The following PLPP3 variants were observed in gnomAD, a reference collection of about 807,000 sequenced individuals.
PLPP3 encodes PAP2 beta.
Under a neutral mutation model 29.6 loss-of-function variants are expected in PLPP3, and 6 were observed. The observed-to-expected ratio is 0.20, with a 90% CI of 0.11 to 0.40. The LOEUF (loss-of-function observed/expected upper bound fraction) is 0.40. Among genes scored for constraint, PLPP3 ranks in the 10% least tolerant of loss-of-function variants. The pLI is 1.00. For synonymous variants in PLPP3, 152 were observed against 159.7 expected, an observed-to-expected ratio of 0.95 and a Z score of 0.36; for missense variants, 308 against 407.7, an observed-to-expected ratio of 0.76 and a Z score of 2.11.
At chr1:56,570,028 T>C (rs1646187359) in intron 1 of PLPP3, among the ~76,000 whole-genome samples, 1 of 152,222 alleles carries the variant, frequency 6.6e-6, no homozygotes, top group Non-Finnish European at 1.5e-5. Context: ...TGTTTGTCAT[T>C]AGGCAAAAGC....
chr1:56,502,192 G>A (rs1645672330), intron 5 of PLPP3, among the ~76,000 whole-genome samples: 1 of 152,154 alleles, frequency 6.6e-6, no homozygotes, highest in African/African-American at 2.4e-5. Flanking sequence ...TTTTGTTAAG[G>A]GCAGATTATG....
At position 56,579,026 on chromosome 1, in the gene PLPP3, T is replaced by C. The variant is rs1474665071; in HGVS notation, c.-10A>G. ...ACTTGTAGTTTTGCATGGCGCTGGC[T>C]GCGGCGCGAGCCTCCCGCCCCGCGA... On this transcript the variant is annotated 5_prime_UTR_variant, in exon 1 of 6. Coordinates refer to ENST00000371250, the MANE Select transcript of PLPP3 (RefSeq NM_003713.5). 1.3e-6 allele frequency: 2 copies of C among 1,587,298 alleles called. No homozygotes were observed. The highest frequency in any genetic ancestry group is 1.7e-6 in the Non-Finnish European group (2 of 1,169,926).
chr1:56,510,531 G>C (rs1306676484), intron 5 of PLPP3, among the ~76,000 whole-genome samples: 1 of 152,162 alleles, frequency 6.6e-6, no homozygotes, highest in African/African-American at 2.4e-5. Context: ...CCTGCACATG[G>C]AGTCAGGTGC....
chr1:56,529,806 G>A (rs563931822), intron 2 of PLPP3, among the ~76,000 whole-genome samples: 1 of 152,228 alleles, frequency 6.6e-6, no homozygotes, highest in South Asian at 2.1e-4. Context: ...TGAAGACATA[G>A]ATCTGTCCAA....
chr1:56,573,677 TG>T (rs1457446976), intron 1 of PLPP3, among the ~76,000 whole-genome samples: 1 of 152,146 alleles, frequency 6.6e-6, no homozygotes, highest in African/African-American at 2.4e-5. Context: ...GAAATACTGG[TG>T]TAATAGGCAA....
chr1:56,537,355 C>A (rs997018927), intron 1 of PLPP3, among the ~76,000 whole-genome samples: 1 of 152,070 alleles, frequency 6.6e-6, no homozygotes. Context: ...CCCAAGAGCT[C>A]GGAGGTAGGC....
At chr1:56,518,347 C>T (rs1462974186) in intron 4 of PLPP3, among the ~76,000 whole-genome samples, 1 of 152,112 alleles carries the variant, frequency 6.6e-6, no homozygotes, top group African/African-American at 2.4e-5. Context: ...GCTGTCAGAG[C>T]ACAGCCACTT....
chr1:56,516,713 T>G (rs1311781132), intron 4 of PLPP3, among the ~76,000 whole-genome samples: 1 of 151,888 alleles, frequency 6.6e-6, no homozygotes, highest in African/African-American at 2.4e-5. Context: ...ACCTTTTCTC[T>G]GCTACGTACA....
At chr1:56,544,648 G>A (rs1377557122) in intron 1 of PLPP3, among the ~76,000 whole-genome samples, 1 of 152,228 alleles carries the variant, frequency 6.6e-6, no homozygotes, top group Non-Finnish European at 1.5e-5. Flanking sequence ...CTGAGGATAA[G>A]AGGCATAAAC....
intron 5 of PLPP3, 96 bp from the exon 6 acceptor site, chr1:56,496,772 A>G: frequency 7.3e-7 from 1 of 1,377,568 alleles, no homozygotes. Context: ...ACTTCAGGAA[A>G]AGGGGCCCCA....
chr1:56,555,266 C>G (rs537308708), intron 1 of PLPP3, among the ~76,000 whole-genome samples: 1 of 145,590 alleles, frequency 6.9e-6, no homozygotes, highest in South Asian at 2.2e-4. Flanking sequence ...GTGACTTCCC[C>G]GGGGACTTTT....
chr1:56,501,047 C>T (rs918401779), intron 5 of PLPP3, among the ~76,000 whole-genome samples: 2 of 129,108 alleles, frequency 1.5e-5, no homozygotes. Context: ...ATGTTGGTAA[C>T]TAAAATGGAG....
chr1:56,571,809 G>A (rs1444310866), intron 1 of PLPP3, among the ~76,000 whole-genome samples: 2 of 152,144 alleles, frequency 1.3e-5, no homozygotes, highest in Non-Finnish European at 2.9e-5. Flanking sequence ...GGGCAGCAAG[G>A]TAACCTGACA....
At chr1:56,530,958 A>G (rs1010957080) in intron 2 of PLPP3, among the ~76,000 whole-genome samples, 2 of 152,314 alleles carry the variant, frequency 1.3e-5, no homozygotes, top group African/African-American at 2.4e-5. Flanking sequence ...GCCTTAAAGT[A>G]GAGCTCAAGT....
chr1:56,542,640 G>A (rs1435522264), intron 1 of PLPP3, among the ~76,000 whole-genome samples: 2 of 152,076 alleles, frequency 1.3e-5, no homozygotes, highest in East Asian at 3.9e-4. Flanking sequence ...TCTGCAGAAA[G>A]CCTACACATC....
Position 56,537,108 on chromosome 1 carries a change from G to A in PLPP3, c.144C>T (p.Gly48=), listed in dbSNP as rs758742108. The A allele has an allele frequency of 5.0e-6, 8 of 1,613,346 alleles. No individual in the cohort carries two copies. In the African/African-American group the frequency reaches 5.3e-5, roughly 11 times the overall value. The change falls in exon 2 of 6, where the codon GGC becomes GGT. Residue 48 remains glycine, a synonymous_variant. Coordinates refer to ENST00000371250, the MANE Select transcript of PLPP3 (RefSeq NM_003713.5). ...CLDLFCLFMA[G]LPFLIIETST... ...TTGTCTCGATGATGAGGAAGGGGAGGCCCGCTGGTCCAGGTGGAACCATGG... is the reference window on the plus strand; with the variant it reads ...TTGTCTCGATGATGAGGAAGGGGAGACCCGCTGGTCCAGGTGGAACCATGG...
At chr1:56,545,448 GCCCACCAGCCACTT>G (rs1645998175) in intron 1 of PLPP3, among the ~76,000 whole-genome samples, 1 of 152,148 alleles carries the variant, frequency 6.6e-6, no homozygotes, top group Non-Finnish European at 1.5e-5. Context: ...GTAGCCATGG[GCCCACCAGCCACTT>G]CCCATACGCA....
chr1:56,497,831 T>A (rs1645640226), intron 5 of PLPP3, among the ~76,000 whole-genome samples: 2 of 152,164 alleles, frequency 1.3e-5, no homozygotes, highest in South Asian at 4.1e-4. Context: ...TTTCACAGTG[T>A]CCCTTCTGTA....
Position 56,511,957 on chromosome 1 carries a change from A to G in PLPP3, c.810+19T>C. On this transcript the variant is annotated intron_variant, in intron 5 of 5. Coordinates refer to ENST00000371250, the MANE Select transcript of PLPP3 (RefSeq NM_003713.5). Reference sequence around the variant, plus strand: ...AGTCCAGGGCTCCACTTGCATATTGAGGACAAGATGCTACTTACTATGCAG... The same window carrying G: ...AGTCCAGGGCTCCACTTGCATATTGGGGACAAGATGCTACTTACTATGCAG... The G allele has an allele frequency of 6.2e-7, 1 of 1,612,440 alleles. No individual in the cohort carries two copies. Among genetic ancestry groups the G allele is most frequent in the African/African-American group, 1.3e-5 (1 of 74,984 alleles).
Sources: allele counts gnomAD v4.1 joint callset (sites outside exome capture counted in the v4.1 genomes callset), GRCh38; gene constraint gnomAD v4.1.1; transcripts MANE v1.5; gene names NCBI Gene and HGNC (gene_info 2026-07-23, HGNC 2026-07-21).